Variants in RBFOX2 observed in about 807,000 individuals in gnomAD.
The protein encoded by RBFOX2 is RNA binding fox-1 homolog 2.
Under a neutral mutation model 49.1 loss-of-function variants are expected in RBFOX2, and 10 were observed. That is an observed-to-expected ratio of 0.20 (90% CI 0.13 to 0.35). RBFOX2 has a LOEUF of 0.35. RBFOX2 is among the 10% of genes least tolerant of loss of function. The pLI is 1.00. For synonymous variants in RBFOX2, 183 were observed against 187.4 expected, an observed-to-expected ratio of 0.98 and a Z score of 0.19; for missense variants, 323 against 486.9, an observed-to-expected ratio of 0.66 and a Z score of 3.17.
At chr22:35,981,458 A>G (rs1338670166) in intron 1 of RBFOX2, among the ~76,000 whole-genome samples, 1 of 152,100 alleles carries the variant, frequency 6.6e-6, no homozygotes, top group Non-Finnish European at 1.5e-5. Context: ...CCTGGCCAAC[A>G]TGGTAAATCC....
chr22:35,963,460 CTAA>C (rs1450340702), upstream of RBFOX2, among the ~76,000 whole-genome samples: 4 of 152,106 alleles, frequency 2.6e-5, no homozygotes, highest in East Asian at 3.9e-4. Context: ...ATTAAAAGCA[CTAA>C]TAATTATTAA....
intron 11 of RBFOX2, among the ~76,000 whole-genome samples, chr22:35,744,559 T>G (rs919287298): frequency 6.6e-6 from 1 of 152,224 alleles, no homozygotes; most frequent in African/African-American, 2.4e-5. Flanking sequence ...CGCAAAGAGT[T>G]TGATTTTTAA....
chr22:35,914,713 G>C (rs1211133273), intron 1 of RBFOX2, among the ~76,000 whole-genome samples: 1 of 152,204 alleles, frequency 6.6e-6, no homozygotes, highest in Non-Finnish European at 1.5e-5. Context: ...TCCTCTACGT[G>C]ATTGGTTGGT....
chr22:35,853,735 C>T (rs1237820563), intron 1 of RBFOX2, among the ~76,000 whole-genome samples: 2 of 149,122 alleles, frequency 1.3e-5, no homozygotes, highest in African/African-American at 2.5e-5. Context: ...TACCTCCAGG[C>T]GGTGGAATGG....
chr22:35,810,131 T>C, intron 1 of RBFOX2, 127 bp from the exon 3 acceptor site: 2 of 889,952 alleles, frequency 2.2e-6, no homozygotes, highest in Non-Finnish European at 3.4e-6. Context: ...TGCTTATTGC[T>C]CCAGGATTGG....
At chr22:35,826,494 T>TCAATACATCATATGAA (rs1244231770) in intron 1 of RBFOX2, among the ~76,000 whole-genome samples, 3 of 152,114 alleles carry the variant, frequency 2.0e-5, no homozygotes, top group Non-Finnish European at 4.4e-5. Context: ...ATATGAACAG[T>TCAATACATCATATGAA]CACATCAATA....
At chr22:35,852,972 G>T (rs377291457) in intron 1 of RBFOX2, among the ~76,000 whole-genome samples, 4 of 152,188 alleles carry the variant, frequency 2.6e-5, no homozygotes, top group South Asian at 2.1e-4. Context: ...TACATACAAG[G>T]TGAAAAGATA....
chr22:35,913,300 A>AC (rs1322851183), intron 1 of RBFOX2, among the ~76,000 whole-genome samples: 2 of 152,136 alleles, frequency 1.3e-5, no homozygotes, highest in Non-Finnish European at 2.9e-5. Context: ...CAACATAGTG[A>AC]GACTCTGTCT....
chr22:35,871,227 A>G (rs2044318019), intron 1 of RBFOX2, among the ~76,000 whole-genome samples: 3 of 152,226 alleles, frequency 2.0e-5, no homozygotes, highest in South Asian at 4.1e-4. Context: ...ATGCTCTAAA[A>G]TATTATATAA....
intron 1 of RBFOX2, among the ~76,000 whole-genome samples, chr22:35,948,332 T>G (rs1055056391): frequency 2.0e-5 from 3 of 152,146 alleles, no homozygotes; most frequent in Non-Finnish European, 1.5e-5. Context: ...CAAATCCACT[T>G]TGTTCTTGCA....
chr22:35,918,392 C>T (rs1458699265), intron 1 of RBFOX2, among the ~76,000 whole-genome samples: 4 of 152,168 alleles, frequency 2.6e-5, no homozygotes, highest in Non-Finnish European at 4.4e-5. Flanking sequence ...ACATTGTTTG[C>T]TTGCTAAAGG....
At chr22:35,849,300 C>CACAA (rs2041618453) in intron 1 of RBFOX2, among the ~76,000 whole-genome samples, 1 of 89,682 alleles carries the variant, frequency 1.1e-5, no homozygotes, top group Admixed American at 1.0e-4. Context: ...CACACACAAA[C>CACAA]ACACACACAC....
chr22:35,928,813 CA>C (rs2052001815), intron 1 of RBFOX2, among the ~76,000 whole-genome samples: 1 of 152,046 alleles, frequency 6.6e-6, no homozygotes, highest in African/African-American at 2.4e-5. Flanking sequence ...CCAAAGCAAA[CA>C]TAAGTGGCTG....
chr22:35,912,810 T>C (rs1049769171), intron 1 of RBFOX2, among the ~76,000 whole-genome samples: 3 of 152,176 alleles, frequency 2.0e-5, no homozygotes, highest in East Asian at 1.9e-4. Flanking sequence ...CAGCATGGCA[T>C]TGAAGAAAGA....
At chr22:35,907,084 T>C (rs1237077243) in intron 1 of RBFOX2, among the ~76,000 whole-genome samples, 4 of 152,186 alleles carry the variant, frequency 2.6e-5, no homozygotes, top group Non-Finnish European at 5.9e-5. Flanking sequence ...GTCTTCTGTA[T>C]CATGTGGGAG....
intron 9 of RBFOX2, among the ~76,000 whole-genome samples, chr22:35,753,927 C>T (rs919989133): frequency 1.3e-5 from 2 of 151,776 alleles, no homozygotes; most frequent in Admixed American, 6.6e-5. Context: ...AAACTACAAG[C>T]GTGTGCCACC....
chr22:35,809,640 A>C, intron 2 of RBFOX2, 140 bp downstream of exon 3: 1 of 956,438 alleles, frequency 1.0e-6, no homozygotes, highest in South Asian at 1.5e-5. Flanking sequence ...AATGTATACA[A>C]TGCTGTTGAG....
chr22:35,854,941 TTC>T (rs973395007), intron 1 of RBFOX2, among the ~76,000 whole-genome samples: 1 of 152,130 alleles, frequency 6.6e-6, no homozygotes, highest in Non-Finnish European at 1.5e-5. Flanking sequence ...CTTGAAAGGT[TTC>T]TCTCTCTTTT....
chr22:36,012,911 T>C (rs576550449), intron 1 of RBFOX2, among the ~76,000 whole-genome samples: 11 of 152,040 alleles, frequency 7.2e-5, no homozygotes, highest in Non-Finnish European at 1.5e-4. Context: ...ATTACAGGTG[T>C]CTGCCACTAC....
Sources: gnomAD v4.1 joint callset for allele counts (sites outside exome capture counted in the v4.1 genomes callset) on GRCh38, gnomAD v4.1.1 for gene constraint, MANE v1.5 for transcripts, NCBI Gene and HGNC (gene_info 2026-07-23, HGNC 2026-07-21) for gene names.